TSHZ2: variants seen among roughly 807,000 people sequenced by gnomAD.
TSHZ2 encodes the protein teashirt zinc finger homeobox 2, also known as teashirt homolog 2.
A neutral mutation model predicts 74.4 loss-of-function variants in TSHZ2; 21 were observed. The observed-to-expected ratio is 0.28, with a 90% CI of 0.20 to 0.41. The LOEUF (loss-of-function observed/expected upper bound fraction) is 0.41, where lower values mean the gene tolerates loss of function less well. TSHZ2 is among the 10% of genes least tolerant of loss of function. The pLI is 1.00. For synonymous variants in TSHZ2, 540 were observed against 515.3 expected (o/e 1.05, Z -0.65); for missense variants, 1,244 against 1,293.5 (o/e 0.96, Z 0.59).
chr20:53,202,643 A>G lies in TSHZ2; in HGVS notation c.41-50856A>G, dbSNP rs117220044. ...GATTGAGACTTATGCAAATCACCGT[A>G]GCATAGGCAGAGGATACATTTCAGA... On this transcript the variant is annotated intron_variant, in intron 1 of 2. Coordinates refer to ENST00000371497, the MANE Select transcript of TSHZ2 (RefSeq NM_173485.6). Among the ~76,000 whole-genome samples, 248 of 152,310 alleles carry G rather than the reference A, an allele frequency of 1.6e-3. 1 individual carries two copies. Among genetic ancestry groups the G allele is most frequent in the African/African-American group, 5.0e-3 (207 of 41,564 alleles).
chr20:53,472,554 T>C (rs1985843888), intron 2 of TSHZ2, among the ~76,000 whole-genome samples: 2 of 152,136 alleles, frequency 1.3e-5, no homozygotes, highest in African/African-American at 4.8e-5. Flanking sequence ...CAGCTGGATG[T>C]TCAGATCTGG....
In TSHZ2 at chr20:53,255,945, G is replaced by A. The variant is rs1377418141; in HGVS notation, c.2487G>A (p.Glu829=). ...MKLEMDVRRF[E]DVSSEVSTLH... is the part of the protein sequence containing the mutation. ...TGGAAATGGATGTCAGGCGCTTTGAGGATGTCTCCAGTGAAGTCTCAACTT... is the reference window on the plus strand; with the variant it reads ...TGGAAATGGATGTCAGGCGCTTTGAAGATGTCTCCAGTGAAGTCTCAACTT... Residue 829 remains glutamate (E), a synonymous_variant, in exon 2 of 3, where the codon GAG becomes GAA. Transcript: ENST00000371497. This position sits in a 1 kb window ranked among gnomAD's most constrained non-coding sequence, Gnocchi z 4.1. 1.9e-6 allele frequency: 3 copies of A among 1,614,064 alleles called. No homozygotes were observed. Among genetic ancestry groups the A allele is most frequent in the African/African-American group, 1.3e-5 (1 of 74,916 alleles).
chr20:53,241,523 T>C (rs571175828), intron 1 of TSHZ2, among the ~76,000 whole-genome samples: 1 of 152,288 alleles, frequency 6.6e-6, no homozygotes, highest in African/African-American at 2.4e-5. Flanking sequence ...GAATCCAGAA[T>C]GAATTGATTG....
At chr20:53,015,577 G>C (rs1358464341) in intron 1 of TSHZ2, among the ~76,000 whole-genome samples, 2 of 152,164 alleles carry the variant, frequency 1.3e-5, no homozygotes, top group African/African-American at 4.8e-5. Context: ...ATGTTCTCAT[G>C]GTCTCAAATA....
chr20:53,073,915 A>G (rs1460802246), intron 1 of TSHZ2, among the ~76,000 whole-genome samples: 1 of 152,194 alleles, frequency 6.6e-6, no homozygotes, highest in Non-Finnish European at 1.5e-5. Context: ...TTAATTATAC[A>G]GATTTGTTTC....
chr20:53,112,784 A>G (rs1053961629), intron 1 of TSHZ2, among the ~76,000 whole-genome samples: 3 of 152,186 alleles, frequency 2.0e-5, no homozygotes, highest in East Asian at 1.9e-4. Flanking sequence ...CAGCCTCCCA[A>G]AGTGCTGAGA....
intron 1 of TSHZ2, among the ~76,000 whole-genome samples, chr20:53,142,036 G>A (rs938768875): frequency 3.9e-5 from 6 of 152,136 alleles, no homozygotes; most frequent in Non-Finnish European, 7.3e-5. Context: ...ATCTTTTGTG[G>A]CCATGGACTT....
intron 1 of TSHZ2, among the ~76,000 whole-genome samples, chr20:53,068,482 T>C (rs919866002): frequency 6.6e-6 from 1 of 152,182 alleles, no homozygotes; most frequent in African/African-American, 2.4e-5. Context: ...CCTTATTCCC[T>C]ACTGCGTTAC....
intron 2 of TSHZ2, among the ~76,000 whole-genome samples, chr20:53,341,541 T>A (rs1015876963): frequency 3.3e-5 from 5 of 151,922 alleles, no homozygotes; most frequent in African/African-American, 1.2e-4. Context: ...ACCAGGCTAG[T>A]CTCGAACTGC....
chr20:53,395,134 G>T (rs926734015), intron 2 of TSHZ2, among the ~76,000 whole-genome samples: 2 of 152,190 alleles, frequency 1.3e-5, no homozygotes, highest in African/African-American at 4.8e-5. Flanking sequence ...TAAGGACAGA[G>T]CACAACCCAC....
intron 2 of TSHZ2, among the ~76,000 whole-genome samples, chr20:53,459,267 ATAGT>A (rs1292679977): frequency 2.0e-5 from 3 of 150,932 alleles, no homozygotes; most frequent in African/African-American, 7.4e-5. Flanking sequence ...TATATTTAGG[ATAGT>A]TAGCTCTTCT....
At chr20:53,069,210 AAATGT>A (rs1985091461) in intron 1 of TSHZ2, among the ~76,000 whole-genome samples, 1 of 152,180 alleles carries the variant, frequency 6.6e-6, no homozygotes, top group Non-Finnish European at 1.5e-5. Flanking sequence ...CAAGAAGGAT[AAATGT>A]GTTATCTCAT....
chr20:53,000,706 C>G (rs1245701226), intron 1 of TSHZ2, among the ~76,000 whole-genome samples: 1 of 152,082 alleles, frequency 6.6e-6, no homozygotes, highest in Non-Finnish European at 1.5e-5. Flanking sequence ...ACAATTTCAC[C>G]TGGATGAGAA....
chr20:53,255,180 G>A lies in TSHZ2; in HGVS notation c.1722G>A (p.Lys574=). The A allele has an allele frequency of 6.2e-7, 1 of 1,614,136 alleles. No homozygotes were observed. The highest frequency in any genetic ancestry group is 8.5e-7 in the Non-Finnish European group (1 of 1,180,032). Residue 574 remains lysine, a synonymous_variant, in exon 2 of 3, where the codon AAG becomes AAA. Coordinates refer to ENST00000371497, the MANE Select transcript of TSHZ2 (RefSeq NM_173485.6). The surrounding 1 kb of genome is among the most constrained non-coding windows in gnomAD (Gnocchi z 4.1). ...AGATCCGGCCTAATCTCACCAACAA[G>A]CTGAGGCCCATTGCACCAAAGTGGA... The part of the protein sequence containing the change: ...VLQIRPNLTN[K]LRPIAPKWKV...
intron 2 of TSHZ2, among the ~76,000 whole-genome samples, chr20:53,379,390 A>G (rs1024918334): frequency 3.3e-5 from 5 of 152,212 alleles, no homozygotes; most frequent in African/African-American, 1.2e-4. Context: ...TCAAAAAATA[A>G]ATAAGTAAAT....
intron 1 of TSHZ2, among the ~76,000 whole-genome samples, chr20:53,001,228 G>GTGTGTGTGTGTGTGTGTGTA (rs1982419027): frequency 7.0e-6 from 1 of 143,382 alleles, no homozygotes. Context: ...GTGTGTGTGT[G>GTGTGTGTGTGTGTGTGTGTA]TGTGTGTGTG....
chr20:53,245,708 C>T (rs1257941811), intron 1 of TSHZ2, among the ~76,000 whole-genome samples: 1 of 152,192 alleles, frequency 6.6e-6, no homozygotes, highest in African/African-American at 2.4e-5. Context: ...GATGCCAACA[C>T]CATTCATCAA....
chr20:53,273,205 G>T lies in TSHZ2; in HGVS notation c.*8+16634G>T, dbSNP rs1990873668. On this transcript the variant is annotated intron_variant, in intron 2 of 2. Coordinates refer to ENST00000371497, the MANE Select transcript of TSHZ2 (RefSeq NM_173485.6). ...GATTTTTTGAGACCATGCTAACTGGGTGGGGAAATAAAAGAACGTTGGATT... is the reference window on the plus strand; with the variant it reads ...GATTTTTTGAGACCATGCTAACTGGTTGGGGAAATAAAAGAACGTTGGATT... Among the ~76,000 whole-genome samples, 6 of 152,264 alleles carry T rather than the reference G, an allele frequency of 3.9e-5. No individual in the cohort carries two copies. The South Asian group carries it at 1.2e-3, about 32-fold the overall frequency.
At chr20:53,391,795 TAGAC>T (rs889512983) in intron 2 of TSHZ2, among the ~76,000 whole-genome samples, 3 of 152,008 alleles carry the variant, frequency 2.0e-5, no homozygotes, top group African/African-American at 7.2e-5. Flanking sequence ...ATACAAAAAT[TAGAC>T]AGACGTGGTG....
Sources: allele counts gnomAD v4.1 joint callset (sites outside exome capture counted in the v4.1 genomes callset), GRCh38; gene constraint gnomAD v4.1.1; non-coding constraint Gnocchi (gnomAD v3.1); transcripts MANE v1.5; gene names NCBI Gene and HGNC (gene_info 2026-07-23, HGNC 2026-07-21).